FAM153A: variants seen among roughly 807,000 people sequenced by gnomAD.
The protein encoded by FAM153A is protein FAM153A.
In FAM153A, 12 loss-of-function variants were observed where a neutral mutation model predicts 48.1. That is an observed-to-expected ratio of 0.25 (90% confidence interval 0.16 to 0.40). FAM153A has a LOEUF of 0.40. Among genes scored for constraint, FAM153A ranks in the 10% least tolerant of loss-of-function variants. The pLI is 1.00. For missense variants in FAM153A, 111 were observed against 345.8 expected, an observed-to-expected ratio of 0.32 and a Z score of 5.38; for synonymous variants, 36 against 118.2, an observed-to-expected ratio of 0.30 and a Z score of 4.51.
At chr5:177,776,370 C>G (rs1769318335) in intron 1 of FAM153A, among the ~76,000 whole-genome samples, 1 of 12,652 alleles carries the variant, frequency 7.9e-5, no homozygotes, top group Admixed American at 1.0e-3. Flanking sequence ...ACCCCATCGT[C>G]TCAGCCCAAA....
downstream of FAM153A, chr5:177,718,428 G>A (rs1405204181): frequency 8.2e-6 from 1 of 121,384 alleles, no homozygotes; most frequent in Non-Finnish European, 1.8e-5. Flanking sequence ...TTTCTGAAAA[G>A]CCATTAAGAC....
chr5:177,764,439 A>C, intron 1 of FAM153A, among the ~76,000 whole-genome samples: 1 of 149,064 alleles, frequency 6.7e-6, no homozygotes, highest in South Asian at 2.2e-4. Context: ...GCTTTGCCTG[A>C]TGAAGATGGC....
chr5:177,761,353 G>A (rs1403746335), intron 1 of FAM153A, among the ~76,000 whole-genome samples: 1 of 151,756 alleles, frequency 6.6e-6, no homozygotes, highest in African/African-American at 2.4e-5. Flanking sequence ...GAAAAGGGCA[G>A]GCCATCCTAG....
At chr5:177,755,616 A>C (rs1282675540), upstream of FAM153A, among the ~76,000 whole-genome samples, 1 of 151,848 alleles carries the variant, frequency 6.6e-6, no homozygotes, top group Non-Finnish European at 1.5e-5. Flanking sequence ...AGGGAAGCCC[A>C]TCAGACTAAC....
At position 177,736,939 on chromosome 5, in the gene FAM153A, C is replaced by G; in HGVS notation, c.633+103G>C. 3 of 1,069,264 alleles carry G rather than the reference C, an allele frequency of 2.8e-6. No homozygotes were observed. The South Asian group carries it at 5.2e-5, about 19-fold the overall frequency. The allele number at this position is 1,069,264 out of a possible 1,614,324, so 66.2% of individuals were successfully genotyped here. On this transcript the variant is annotated intron_variant, in intron 11 of 20. Transcript: ENST00000614127. ...TTGCCCACCAAGAAATTCTGTCAGTCACCTATAGTGTACATGGTGAGATGT... is the reference window on the plus strand; with the variant it reads ...TTGCCCACCAAGAAATTCTGTCAGTGACCTATAGTGTACATGGTGAGATGT...
intron 5 of FAM153A, 43 bp downstream of exon 7, chr5:177,744,845 A>G (rs1264251004): frequency 7.6e-7 from 1 of 1,312,760 alleles, no homozygotes; most frequent in Non-Finnish European, 1.0e-6. Flanking sequence ...GATAAAGCTA[A>G]GAAAGCAACA....
At position 177,778,404 on chromosome 5, in the gene FAM153A, T is replaced by C. The variant is rs1769401954; in HGVS notation, c.-57+2045A>G. 2.2e-5 allele frequency among the ~76,000 whole-genome samples: 2 copies of C among 89,708 alleles called. 1 individual carries two copies. The highest frequency in any genetic ancestry group is 4.5e-5 in the Non-Finnish European group (2 of 44,876). The allele number at this position is 89,708 out of a possible 152,430, so 58.9% of individuals were successfully genotyped here. A position where few individuals can be genotyped will look rare whatever the true frequency, so the allele number is the denominator to read the frequency against. On this transcript the variant is annotated intron_variant, in intron 1 of 8. Transcript: ENST00000393518. ...ATATGTTCTACAATATGAATGTTTC[T>C]AGAAAAAAAAAAAAATGAAAAGGTG...
Position 177,771,079 on chromosome 5 carries a change from G to C in FAM153A, c.-57+9370C>G, listed in dbSNP as rs1323144580. On this transcript the variant is annotated intron_variant, in intron 1 of 8. Coordinates refer to the FAM153A transcript ENST00000393518. The stretch of plus-strand genomic sequence containing the variant: ...GAGATCATTAAAGACCAAAGTAACA[G>C]CATGTGGGCATGATTTCTCAAATTG... 2.1e-5 allele frequency among the ~76,000 whole-genome samples: 2 copies of C among 97,430 alleles called. 1 individual carries two copies. The highest frequency in any genetic ancestry group is 8.1e-5 in the African/African-American group (2 of 24,708). The allele number at this position is 97,430 out of a possible 152,430, so 63.9% of individuals were successfully genotyped here. A position where few individuals can be genotyped will look rare whatever the true frequency, so the allele number is the denominator to read the frequency against.
At chr5:177,722,626 A>C (rs1438180747), downstream of FAM153A, 1 of 150,684 alleles carries the variant, frequency 6.6e-6, no homozygotes, top group Non-Finnish European at 1.5e-5. Context: ...TAGAGGGAGG[A>C]GGGGCTCCCT....
intron 12 of FAM153A, among the ~76,000 whole-genome samples, chr5:177,736,352 G>T (rs1289729570): frequency 1.3e-5 from 2 of 149,316 alleles, no homozygotes; most frequent in Admixed American, 6.7e-5. Context: ...TCCCATCCCT[G>T]ATGTACCACC....
intron 10 of FAM153A, among the ~76,000 whole-genome samples, chr5:177,737,425 G>C (rs1009818275): frequency 1.1e-4 from 16 of 150,874 alleles, no homozygotes; most frequent in Admixed American, 2.0e-4. Context: ...AATCTGACCT[G>C]AGCTAACTTG....
chr5:177,700,580 A>C, the FAM153A span, among the ~76,000 whole-genome samples: 2 of 151,878 alleles, frequency 1.3e-5, no homozygotes, highest in African/African-American at 4.9e-5. Flanking sequence ...AGGTAGGTGG[A>C]TCACCTGAGG....
At chr5:177,706,684 T>C (rs1215981140), downstream of FAM153A, 2 of 151,860 alleles carry the variant, frequency 1.3e-5, no homozygotes, top group South Asian at 2.1e-4. Context: ...TTCTGACACA[T>C]AGATTTATGT....
intron 1 of FAM153A, among the ~76,000 whole-genome samples, chr5:177,752,638 A>AAG (rs1767105799): frequency 1.0e-5 from 1 of 98,728 alleles, no homozygotes; most frequent in African/African-American, 4.4e-5. Flanking sequence ...AAAAAAAAAA[A>AAG]AAAAGAAAAG....
At chr5:177,705,985 G>GAA (rs1757850749), downstream of FAM153A, among the ~76,000 whole-genome samples, 1 of 151,622 alleles carries the variant, frequency 6.6e-6, no homozygotes, top group Admixed American at 6.6e-5. Context: ...AGAAACTAAA[G>GAA]AAGACCTAAG....
At chr5:177,695,764 C>T in the FAM153A span, among the ~76,000 whole-genome samples, 1 of 151,800 alleles carries the variant, frequency 6.6e-6, no homozygotes, top group Admixed American at 6.5e-5. Flanking sequence ...TTGATGGTCG[C>T]TGTCTCTTCG....
chr5:177,704,633 T>C (rs1307340749), downstream of FAM153A, among the ~76,000 whole-genome samples: 1 of 151,644 alleles, frequency 6.6e-6, no homozygotes, highest in African/African-American at 2.4e-5. Context: ...CAGTTTCTCA[T>C]GAATGGTTTA....
upstream of FAM153A, among the ~76,000 whole-genome samples, chr5:177,755,285 A>G (rs1767608226): frequency 6.8e-6 from 1 of 147,476 alleles, no homozygotes; most frequent in Admixed American, 6.9e-5. Flanking sequence ...AGTTTAGAGA[A>G]AAAAGAATAA....
exon 27 of FAM153A, chr5:177,712,194 A>G (rs1758589835): frequency 6.6e-6 from 1 of 151,892 alleles, no homozygotes; most frequent in Non-Finnish European, 1.5e-5. Flanking sequence ...ATTCTCAGCC[A>G]GTTGCGGTGG....
Sources: gnomAD v4.1 joint callset for allele counts (sites outside exome capture counted in the v4.1 genomes callset) on GRCh38, gnomAD v4.1.1 for gene constraint, MANE v1.5 for transcripts, NCBI Gene and HGNC (gene_info 2026-07-23, HGNC 2026-07-21) for gene names.